Variants in TUSC3 observed in about 807,000 individuals in gnomAD.
The protein encoded by TUSC3 is dolichyl-diphosphooligosaccharide--protein glycosyltransferase subunit TUSC3.
TUSC3 carries 45 observed loss-of-function variants against 44.8 expected under a neutral mutation model. The ratio of observed to expected loss-of-function variants is 1.00; its 90% CI spans 0.79 to 1.29. The LOEUF is 1.29. Ranked by LOEUF, TUSC3 falls within the 50% of genes most tolerant of loss-of-function variation. The probability of loss-of-function intolerance (pLI) is 0.00; values close to 1 mark genes in which losing one functional copy is unlikely to be tolerated. For synonymous variants in TUSC3, 212 were observed against 152.9 expected (o/e 1.39, Z -2.85); for missense variants, 519 against 437.9 (o/e 1.19, Z -1.65).
At chr8:15,499,231 T>C (rs1011181410) in intron 2 of TUSC3, among the ~76,000 whole-genome samples, 2 of 152,218 alleles carry the variant, frequency 1.3e-5, no homozygotes, top group African/African-American at 4.8e-5. Context: ...CTCTCTTACC[T>C]GAAATTATTT....
intron 2 of TUSC3, among the ~76,000 whole-genome samples, chr8:15,529,788 G>GTTTTT (rs35344827): frequency 1.5e-4 from 16 of 106,944 alleles, no homozygotes; most frequent in East Asian, 6.0e-4. Context: ...CTGTGAAAAA[G>GTTTTT]TTTTTTTTTT....
At chr8:15,533,606 A>G (rs1473901087) in intron 2 of TUSC3, among the ~76,000 whole-genome samples, 2 of 152,184 alleles carry the variant, frequency 1.3e-5, no homozygotes, top group Admixed American at 1.3e-4. Flanking sequence ...TGGAACTGTA[A>G]GAGTTAAAGA....
intron 10 of TUSC3, among the ~76,000 whole-genome samples, chr8:15,761,863 C>T (rs1812180687): frequency 6.6e-6 from 1 of 152,016 alleles, no homozygotes; most frequent in Non-Finnish European, 1.5e-5. Context: ...CCAGGCACTC[C>T]TGAACCATAA....
intron 6 of TUSC3, among the ~76,000 whole-genome samples, chr8:15,677,155 C>T (rs1808228017): frequency 6.6e-6 from 1 of 152,058 alleles, no homozygotes; most frequent in Non-Finnish European, 1.5e-5. Flanking sequence ...GTACCTCGGA[C>T]ACTGTGCCTG....
chr8:15,580,857 G>A lies in TUSC3; in HGVS notation c.138+40289G>A, dbSNP rs1803298606. Among the ~76,000 whole-genome samples, 5 of 143,466 alleles carry A rather than the reference G, an allele frequency of 3.5e-5. No homozygotes were observed. In the South Asian group the frequency reaches 6.7e-4, roughly 19 times the overall value. 94.1% of individuals were successfully genotyped at this position (143,466 alleles called of 152,430 possible). On this transcript the variant is annotated intron_variant, in intron 1 of 10. Coordinates refer to ENST00000503731, the MANE Select transcript of TUSC3 (RefSeq NM_006765.4). Reference sequence around the variant, plus strand: ...TTCCCTGTATTTCCTTAATCTGAACGTTGGCCTGCCTTGCTAGATTGGGGA... The same window carrying A: ...TTCCCTGTATTTCCTTAATCTGAACATTGGCCTGCCTTGCTAGATTGGGGA...
chr8:15,546,725 G>A (rs1026873897), intron 1 of TUSC3, among the ~76,000 whole-genome samples: 1 of 151,486 alleles, frequency 6.6e-6, no homozygotes, highest in East Asian at 2.0e-4. Context: ...AGTAGAGACA[G>A]GGTTTCTCCA....
rs1265806583 is a variant in TUSC3 at position 15,664,792 on chromosome 8, AAT to A, written c.708+2502_708+2503del. Among the ~76,000 whole-genome samples the A allele has an allele frequency of 2.0e-5, 3 of 149,480 alleles. No homozygotes were observed. The East Asian group carries it at 5.8e-4, about 29-fold the overall frequency. Reference sequence around the variant, plus strand: ...ATTTAAAAAATGAGATTAAATATATAATATATAATTTACATTATATGTTTTAT... The same window carrying A: ...ATTTAAAAAATGAGATTAAATATATAATATAATTTACATTATATGTTTTAT... On this transcript the variant is annotated intron_variant, in intron 5 of 10. Coordinates refer to ENST00000503731, the MANE Select transcript of TUSC3 (RefSeq NM_006765.4).
intron 1 of TUSC3, among the ~76,000 whole-genome samples, chr8:15,478,635 C>T (rs1201894789): frequency 6.6e-6 from 1 of 152,134 alleles, no homozygotes; most frequent in Non-Finnish European, 1.5e-5. Context: ...GCATAGTATT[C>T]CATGATATAT....
Position 15,659,537 on chromosome 8 carries a change from C to G in TUSC3, c.457C>G (p.His153Asp). 6.2e-7 allele frequency: 1 copy of G among 1,613,074 alleles called. No homozygotes were observed. Among genetic ancestry groups the G allele is most frequent in the Non-Finnish European group, 8.5e-7 (1 of 1,179,596 alleles). ...CATGAACTCTGCTCCTACATTCATG[C>G]ATTTTCCTCCAAAAGGCAGACCTAA... ...LNMNSAPTFMHFPPKGRPKRA... is the reference protein window; with the variant it reads ...LNMNSAPTFMDFPPKGRPKRA... The change falls in exon 4 of 11, where the codon CAT (histidine) becomes GAT (aspartate). Residue 153 changes from histidine to aspartate, a missense_variant. By Grantham distance (81) the His-to-Asp change is moderately conservative. Coordinates refer to ENST00000503731, the MANE Select transcript of TUSC3 (RefSeq NM_006765.4).
intron 2 of TUSC3, among the ~76,000 whole-genome samples, chr8:15,639,294 G>C (rs1806253888): frequency 6.7e-6 from 1 of 149,978 alleles, no homozygotes; most frequent in Admixed American, 6.6e-5. Flanking sequence ...GAGCTTCAGT[G>C]ATGATGATCA....
the TUSC3 span, among the ~76,000 whole-genome samples, chr8:15,850,792 G>T: frequency 0.66 from 100,926 of 152,114 alleles, 35,395 homozygotes; most frequent in Non-Finnish European, 0.78. Context: ...AAAAATGAGT[G>T]TGCTATATAT....
intron 2 of TUSC3, among the ~76,000 whole-genome samples, chr8:15,633,613 G>A (rs1805920536): frequency 6.6e-6 from 1 of 152,064 alleles, no homozygotes; most frequent in Admixed American, 6.5e-5. Flanking sequence ...CTATTTTATT[G>A]CATTGTTACA....
chr8:15,603,752 C>G (rs1470709715), intron 1 of TUSC3, among the ~76,000 whole-genome samples: 2 of 150,802 alleles, frequency 1.3e-5, no homozygotes, highest in Non-Finnish European at 3.0e-5. Flanking sequence ...CCTGCGATTC[C>G]TATGGTTTAC....
intron 1 of TUSC3, among the ~76,000 whole-genome samples, chr8:15,440,212 A>G (rs1200799723): frequency 6.6e-6 from 1 of 152,214 alleles, no homozygotes. Context: ...TTAACAAACC[A>G]AAGAGAGGAG....
chr8:15,493,663 A>G (rs1218608936), intron 2 of TUSC3, among the ~76,000 whole-genome samples: 1 of 152,174 alleles, frequency 6.6e-6, no homozygotes, highest in African/African-American at 2.4e-5. Flanking sequence ...TAAACATAAA[A>G]CATAGTTGCT....
chr8:15,660,986 G>T (rs1807397858), intron 4 of TUSC3, among the ~76,000 whole-genome samples: 1 of 149,860 alleles, frequency 6.7e-6, no homozygotes, highest in African/African-American at 2.5e-5. Flanking sequence ...TACAAATAAT[G>T]CCAATGTATA....
intron 2 of TUSC3, among the ~76,000 whole-genome samples, chr8:15,645,481 C>T (rs566768396): frequency 5.9e-5 from 9 of 152,184 alleles, no homozygotes; most frequent in Non-Finnish European, 1.0e-4. Context: ...ATTATCTCAT[C>T]CTCTGTATGC....
chr8:15,813,407 C>T, the TUSC3 span, among the ~76,000 whole-genome samples: 1 of 149,720 alleles, frequency 6.7e-6, no homozygotes, highest in Non-Finnish European at 1.5e-5. Flanking sequence ...AAAACAGGCA[C>T]ACCTGTCTCT....
chr8:15,537,784 C>T (rs973740668), upstream of TUSC3, among the ~76,000 whole-genome samples: 6 of 151,980 alleles, frequency 3.9e-5, no homozygotes, highest in African/African-American at 1.2e-4. Flanking sequence ...AAAGAAATTA[C>T]CACAAGTTGG....
Sources: gnomAD v4.1 joint callset for allele counts (sites outside exome capture counted in the v4.1 genomes callset) on GRCh38, gnomAD v4.1.1 for gene constraint, MANE v1.5 for transcripts, NCBI Gene and HGNC (gene_info 2026-07-23, HGNC 2026-07-21) for gene names.